HS6ST3: variants seen among roughly 807,000 people sequenced by gnomAD.
HS6ST3 encodes the protein heparan sulfate 6-O-sulfotransferase 3, also known as heparan-sulfate 6-O-sulfotransferase 3.
HS6ST3 carries 12 observed loss-of-function variants against 36.7 expected under a neutral mutation model. The observed-to-expected ratio is 0.33, with a 90% confidence interval of 0.21 to 0.53. HS6ST3 has a LOEUF of 0.53. HS6ST3 is among the 20% of genes least tolerant of loss of function. The pLI, the probability that HS6ST3 is intolerant of heterozygous loss-of-function variation, is 0.95. For synonymous variants in HS6ST3, 240 were observed against 257.5 expected, an observed-to-expected ratio of 0.93 and a Z score of 0.65; for missense variants, 584 against 640.9, an observed-to-expected ratio of 0.91 and a Z score of 0.96.
intron 1 of HS6ST3, among the ~76,000 whole-genome samples, chr13:96,158,855 ATTCCTGAGAGTGATT>A (rs1447391278): frequency 1.3e-5 from 2 of 151,880 alleles, no homozygotes; most frequent in African/African-American, 4.8e-5. Context: ...CACTGGTGAC[ATTCCTGAGAGTGATT>A]CTGGAGTCGG....
At chr13:96,662,497 TTGTGTGTGTGTGTATGGGGTG>T (rs2056649673) in intron 1 of HS6ST3, among the ~76,000 whole-genome samples, 1 of 124,680 alleles carries the variant, frequency 8.0e-6, no homozygotes, top group African/African-American at 3.1e-5. Flanking sequence ...CATATCATGT[TTGTGTGTGTGTGTATGGGGTG>T]TGTGTGTGTG....
intron 1 of HS6ST3, among the ~76,000 whole-genome samples, chr13:96,536,715 A>T (rs1204144947): frequency 6.6e-6 from 1 of 152,200 alleles, no homozygotes; most frequent in Admixed American, 6.5e-5. Flanking sequence ...ATTTTTCAGG[A>T]TAATCTGAAA....
chr13:96,118,595 T>G (rs1426316536), intron 1 of HS6ST3, among the ~76,000 whole-genome samples: 1 of 130,746 alleles, frequency 7.6e-6, no homozygotes, highest in South Asian at 2.5e-4. Context: ...AAAGGAGAGA[T>G]AGGAAAAATG....
At chr13:96,533,761 C>T (rs1212972587) in intron 1 of HS6ST3, among the ~76,000 whole-genome samples, 1 of 152,232 alleles carries the variant, frequency 6.6e-6, no homozygotes, top group Non-Finnish European at 1.5e-5. Flanking sequence ...AGCACAGTCT[C>T]ATTTGATCCG....
intron 1 of HS6ST3, among the ~76,000 whole-genome samples, chr13:96,357,761 A>G (rs976005042): frequency 6.6e-6 from 1 of 152,108 alleles, no homozygotes; most frequent in Non-Finnish European, 1.5e-5. Context: ...GCCTCAAGCC[A>G]TCCTCCTGCC....
chr13:96,236,426 C>A (rs1224402650), intron 1 of HS6ST3, among the ~76,000 whole-genome samples: 1 of 152,096 alleles, frequency 6.6e-6, no homozygotes, highest in Non-Finnish European at 1.5e-5. Flanking sequence ...AAACAATCAC[C>A]TTTTCTGCTG....
chr13:96,476,529 A>C (rs2055865137), intron 1 of HS6ST3, among the ~76,000 whole-genome samples: 1 of 151,962 alleles, frequency 6.6e-6, no homozygotes, highest in South Asian at 2.1e-4. Flanking sequence ...TGCCTGGCTA[A>C]TTTTTGTATT....
intron 1 of HS6ST3, among the ~76,000 whole-genome samples, chr13:96,480,661 G>A (rs2055886268): frequency 1.3e-5 from 2 of 152,202 alleles, no homozygotes; most frequent in East Asian, 1.9e-4. Flanking sequence ...ACATCACTGG[G>A]TTCTAGAGGC....
intron 1 of HS6ST3, among the ~76,000 whole-genome samples, chr13:96,457,908 T>A (rs79870430): frequency 2.0e-5 from 3 of 152,178 alleles, no homozygotes; most frequent in Admixed American, 6.5e-5. Context: ...TGAGTTTTTT[T>A]ATTTTTTCCT....
At chr13:96,362,075 G>C (rs11619872) in intron 1 of HS6ST3, among the ~76,000 whole-genome samples, 237 of 152,162 alleles carry the variant, frequency 1.6e-3, no homozygotes, top group African/African-American at 5.4e-3. Flanking sequence ...ATAGGTGAGC[G>C]GAAGTTGCAA....
intron 1 of HS6ST3, among the ~76,000 whole-genome samples, chr13:96,223,889 A>G (rs1285529186): frequency 6.6e-6 from 1 of 152,102 alleles, no homozygotes; most frequent in Admixed American, 6.5e-5. Flanking sequence ...AGCCATGGGC[A>G]GTTTCTTCCA....
At position 96,393,030 on chromosome 13, in the gene HS6ST3, G is replaced by A. The variant is rs147659585; in HGVS notation, c.707+301461G>A. Among the ~76,000 whole-genome samples, 62 of 152,186 alleles carry A rather than the reference G, an allele frequency of 4.1e-4. 1 individual carries two copies. The highest frequency in any genetic ancestry group is 2.6e-3 in the Admixed American group (39 of 15,278). The stretch of plus-strand genomic sequence containing the variant: ...TTGTGGGGACAGTTTCTCCCATACC[G>A]TTTCCATGATAGTAACTACATCTCA... On this transcript the variant is annotated intron_variant, in intron 1 of 1. Transcript: ENST00000376705.
At chr13:96,300,772 C>A (rs979627084) in intron 1 of HS6ST3, among the ~76,000 whole-genome samples, 1 of 151,884 alleles carries the variant, frequency 6.6e-6, no homozygotes, top group Non-Finnish European at 1.5e-5. Context: ...TGTTAGGTTG[C>A]AAATTAAAAA....
At chr13:96,788,592 G>A (rs889863871) in intron 1 of HS6ST3, among the ~76,000 whole-genome samples, 6 of 151,788 alleles carry the variant, frequency 4.0e-5, no homozygotes, top group African/African-American at 1.4e-4. Flanking sequence ...CTACATCCCT[G>A]CTTATTTTTG....
intron 1 of HS6ST3, among the ~76,000 whole-genome samples, chr13:96,520,440 T>C (rs2056088568): frequency 6.6e-6 from 1 of 152,224 alleles, no homozygotes; most frequent in South Asian, 2.1e-4. Context: ...ATAAATTACT[T>C]TGGGCAGTAA....
chr13:96,651,113 C>G (rs1405744229), intron 1 of HS6ST3, among the ~76,000 whole-genome samples: 1 of 152,048 alleles, frequency 6.6e-6, no homozygotes, highest in South Asian at 2.1e-4. Flanking sequence ...TACTTCTAAC[C>G]TATATTTTGA....
chr13:96,723,772 G>T (rs1875917821), intron 1 of HS6ST3, among the ~76,000 whole-genome samples: 1 of 152,114 alleles, frequency 6.6e-6, no homozygotes. Flanking sequence ...AGTTTGTAAT[G>T]TAAGGCATTT....
chr13:96,385,748 G>C (rs1371686398), intron 1 of HS6ST3, among the ~76,000 whole-genome samples: 1 of 152,142 alleles, frequency 6.6e-6, no homozygotes, highest in Non-Finnish European at 1.5e-5. Context: ...GACAGTTATA[G>C]TAATAATAAG....
chr13:96,219,927 C>T (rs982521678), intron 1 of HS6ST3, among the ~76,000 whole-genome samples: 1 of 152,140 alleles, frequency 6.6e-6, no homozygotes, highest in African/African-American at 2.4e-5. Flanking sequence ...CGTGATCTGC[C>T]CACCTCGGCC....
Sources: gnomAD v4.1 joint callset for allele counts (sites outside exome capture counted in the v4.1 genomes callset) on GRCh38, gnomAD v4.1.1 for gene constraint, MANE v1.5 for transcripts, NCBI Gene and HGNC (gene_info 2026-07-23, HGNC 2026-07-21) for gene names.